SPTBN4: variants seen among roughly 807,000 people sequenced by gnomAD.
The protein encoded by SPTBN4 is spectrin beta chain, non-erythrocytic 4.
In SPTBN4, 96 loss-of-function variants were observed where a neutral mutation model predicts 277.8. That is an observed-to-expected ratio of 0.35 (90% CI 0.29 to 0.41). The LOEUF (loss-of-function observed/expected upper bound fraction) is 0.41. Among genes scored for constraint, SPTBN4 ranks in the 10% least tolerant of loss-of-function variants. The pLI is 1.00. For synonymous variants in SPTBN4, 1,481 were observed against 1,580.3 expected (o/e 0.94, Z 1.49); for missense variants, 3,006 against 3,595.7 (o/e 0.84, Z 4.19).
intron 1 of SPTBN4, among the ~76,000 whole-genome samples, chr19:40,470,884 G>T (rs2079877384): frequency 3.3e-5 from 5 of 150,850 alleles, no homozygotes; most frequent in African/African-American, 1.2e-4. Context: ...GCCTGCCTCG[G>T]CCTCCCAAAG....
chr19:40,487,964 C>T (rs980325546), intron 3 of SPTBN4, 116 bp downstream of exon 3: 4 of 1,240,800 alleles, frequency 3.2e-6, no homozygotes, highest in Non-Finnish European at 3.2e-6. Context: ...GCGAGTGGAA[C>T]GTGCTGGAAG....
In SPTBN4 at chr19:40,520,123, G is replaced by A. The variant is rs780259049; in HGVS notation, c.3626G>A (p.Arg1209His). ...HIYQLFLRDL[R>H]QALVVLRNQE... ...TACCAGCTCTTCCTGCGGGATCTAC[G>A]CCAGGCGCTCGTGGTGCTGCGTAAC... Residue 1209 changes from arginine (R) to histidine (H), a missense_variant, in exon 16 of 36, where the codon CGC (arginine) becomes CAC (histidine). Transcript: ENST00000598249. 16 of 1,458,026 alleles carry A rather than the reference G, an allele frequency of 1.1e-5. No homozygotes were observed. The highest frequency in any genetic ancestry group is 1.5e-5 in the African/African-American group (1 of 67,678). 90.3% of individuals were successfully genotyped at this position (1,458,026 alleles called of 1,614,324 possible). A position where few individuals can be genotyped will look rare whatever the true frequency, so the allele number is the denominator to read the frequency against.
intron 24 of SPTBN4, chr19:40,555,209 C>T (rs916889068): frequency 1.3e-5 from 2 of 152,254 alleles, no homozygotes; most frequent in Non-Finnish European, 2.9e-5. Flanking sequence ...CACCGAGGTT[C>T]CTGGATAGGA....
intron 3 of SPTBN4, among the ~76,000 whole-genome samples, chr19:40,488,967 C>A (rs1599722656): frequency 6.6e-6 from 1 of 151,950 alleles, no homozygotes; most frequent in African/African-American, 2.4e-5. Flanking sequence ...CGGGCAGAGA[C>A]CCTGTCTCAA....
At chr19:40,556,343 C>T in intron 25 of SPTBN4, 55 bp downstream of exon 25, 2 of 1,491,262 alleles carry the variant, frequency 1.3e-6, no homozygotes, top group South Asian at 1.2e-5. Flanking sequence ...GTTCTCTGGG[C>T]CTTAGTTTCC....
intron 3 of SPTBN4, among the ~76,000 whole-genome samples, 155 bp downstream of exon 3, chr19:40,488,003 C>T (rs1184647247): frequency 6.6e-6 from 1 of 152,022 alleles, no homozygotes; most frequent in Non-Finnish European, 1.5e-5. Flanking sequence ...TCCCTCTACT[C>T]GGGTGTGTGG....
Position 40,502,872 on chromosome 19 carries a change from T to C in SPTBN4, c.1301T>C (p.Phe434Ser). ...QEKLELLAQR[F>S]DHKVAMRESW... ...AAGCTGGAACTACTGGCACAGAGGT[T>C]TGACCACAAGGTGGCTATGAGGGAG... Residue 434 changes from phenylalanine (F) to serine (S), a missense_variant, in exon 11 of 36, where the codon TTT becomes TCT. Phe to Ser is a radical substitution (Grantham distance 155, BLOSUM62 -2). Transcript: ENST00000598249. The surrounding 1 kb of genome is among the most constrained non-coding windows in gnomAD (Gnocchi z 4.9). 6.2e-7 allele frequency: 1 copy of C among 1,613,880 alleles called. No homozygotes were observed. The highest frequency in any genetic ancestry group is 8.5e-7 in the Non-Finnish European group (1 of 1,180,002).
chr19:40,566,106 G>GC, intron 29 of SPTBN4, 57 bp from the exon 30 acceptor site: 1 of 1,438,310 alleles, frequency 7.0e-7, no homozygotes, highest in Non-Finnish European at 9.2e-7. Flanking sequence ...AACAGCCATT[G>GC]CCCCCAGGAA....
intron 14 of SPTBN4, among the ~76,000 whole-genome samples, chr19:40,514,220 T>G (rs916386760): frequency 6.6e-6 from 1 of 152,218 alleles, no homozygotes; most frequent in Non-Finnish European, 1.5e-5. Flanking sequence ...CCTATGCCTT[T>G]CTAGGTCTTG....
intron 2 of SPTBN4, among the ~76,000 whole-genome samples, chr19:40,479,509 G>T (rs1211488214): frequency 6.6e-6 from 1 of 151,526 alleles, no homozygotes; most frequent in East Asian, 1.9e-4. Flanking sequence ...GTCTTGCTAT[G>T]TTGCCTAGGC....
chr19:40,531,439 A>G (rs1281587770), intron 18 of SPTBN4, among the ~76,000 whole-genome samples: 1 of 120,118 alleles, frequency 8.3e-6, no homozygotes, highest in Non-Finnish European at 1.6e-5. Flanking sequence ...GCCTCCCGGG[A>G]CCGCGGAGCT....
intron 22 of SPTBN4, 37 bp downstream of exon 22, chr19:40,550,364 TTGGATACATG>T (rs2080904970): frequency 3.1e-6 from 5 of 1,588,026 alleles, no homozygotes; most frequent in Non-Finnish European, 2.6e-6. Context: ...GTTAGGACAT[TTGGATACATG>T]TGATAGAAAC....
Position 40,513,442 on chromosome 19 carries a change from C to T in SPTBN4, c.2653C>T (p.Arg885Cys). The T allele has an allele frequency of 6.2e-7, 1 of 1,604,506 alleles. No individual in the cohort carries two copies. The highest frequency in any genetic ancestry group is 2.2e-5 in the East Asian group (1 of 44,788). The change falls in exon 14 of 36, where the codon CGC (arginine) becomes TGC (cysteine). Residue 885 changes from arginine (R) to cysteine (C), a missense_variant. Physicochemically the swap from Arg to Cys is radical, Grantham distance 180. Around this residue, in one of 5 missense-constraint regions of SPTBN4, gnomAD observed 1,759 missense variants for 2,061.5 expected, o/e 0.85. Transcript: ENST00000598249. ...GCTGCGGGACGCGCTCGCTGTCTAC[C>T]GCATGTTTGGCGAGGTGCACGCGTG... ...QWLRDALAVYRMFGEVHACEL... is the reference protein window; with the variant it reads ...QWLRDALAVYCMFGEVHACEL...
Position 40,515,454 on chromosome 19 carries a change from AG to A in SPTBN4, c.2903+9del. 3 of 1,550,500 alleles carry A rather than the reference AG, an allele frequency of 1.9e-6. No homozygotes were observed. Among genetic ancestry groups the A allele is most frequent in the African/African-American group, 1.4e-5 (1 of 73,422 alleles). ...CAGGACCACCTCAACAGCAGGTAGG[AG>A]GGCCTGGGGCTGGGAGTCCCTCCCA... On this transcript the variant is annotated splice_region_variant and intron_variant, in intron 15 of 35. Transcript: ENST00000598249. This position sits in a 1 kb window ranked among gnomAD's most constrained non-coding sequence, Gnocchi z 4.1.
intron 1 of SPTBN4, among the ~76,000 whole-genome samples, chr19:40,470,787 C>T (rs1253493170): frequency 6.6e-6 from 1 of 151,662 alleles, no homozygotes; most frequent in Non-Finnish European, 1.5e-5. Context: ...AGCCCGAAAC[C>T]ACACCCAGCT....
rs768183870 is a variant in SPTBN4, at chr19:40,570,467, C to T, written c.7058C>T (p.Pro2353Leu). 1.3e-6 allele frequency: 2 copies of T among 1,566,646 alleles called. No homozygotes were observed. Among genetic ancestry groups the T allele is most frequent in the Non-Finnish European group, 1.7e-6 (2 of 1,165,478 alleles). ...PSLPQPRELP[P>L]GRLPNGLELP... Reference sequence around the variant, plus strand: ...CTGCCTCAGCCACGCGAGCTTCCCCCAGGTCGCCTGCCCAACGGGCTTGAG... The same window carrying T: ...CTGCCTCAGCCACGCGAGCTTCCCCTAGGTCGCCTGCCCAACGGGCTTGAG... The change falls in exon 33 of 36, where the codon CCA (proline) becomes CTA (leucine). Residue 2353 changes from proline to leucine, a missense_variant. Pro to Leu is a moderately conservative substitution (Grantham distance 98). Coordinates refer to ENST00000598249, the MANE Select transcript of SPTBN4 (RefSeq NM_020971.3).
At chr19:40,543,292 A>T (rs1401985736) in intron 20 of SPTBN4, among the ~76,000 whole-genome samples, 1 of 152,114 alleles carries the variant, frequency 6.6e-6, no homozygotes, top group Non-Finnish European at 1.5e-5. Flanking sequence ...TCTACCAAAA[A>T]AGAAAAAGTG....
intron 13 of SPTBN4, among the ~76,000 whole-genome samples, chr19:40,509,230 G>A (rs924856005): frequency 4.0e-5 from 6 of 151,430 alleles, no homozygotes; most frequent in African/African-American, 1.2e-4. Context: ...CCATTTCTGT[G>A]AGATTATTAT....
chr19:40,528,677 T>C (rs2080624198), intron 17 of SPTBN4, among the ~76,000 whole-genome samples: 1 of 152,160 alleles, frequency 6.6e-6, no homozygotes, highest in Admixed American at 6.5e-5. Context: ...TCTCTCGCTC[T>C]CTTTCTGGTG....
Sources: allele counts gnomAD v4.1 joint callset (sites outside exome capture counted in the v4.1 genomes callset), GRCh38; gene constraint gnomAD v4.1.1; regional missense constraint gnomAD v4.1.1; non-coding constraint Gnocchi (gnomAD v3.1); transcripts MANE v1.5; gene names NCBI Gene and HGNC (gene_info 2026-07-23, HGNC 2026-07-21).